The following MMRN2 variants were observed in gnomAD, a reference collection of about 807,000 sequenced individuals.
MMRN2 encodes multimerin 2.
MMRN2 carries 53 observed loss-of-function variants against 68.8 expected under a neutral mutation model. That is an observed-to-expected ratio of 0.77 (90% CI 0.62 to 0.97). The LOEUF is 0.97. Ranked by LOEUF, MMRN2 falls within the 50% of genes least tolerant of loss-of-function variation. The probability of loss-of-function intolerance (pLI) is 0.00; values close to 1 mark genes in which losing one functional copy is unlikely to be tolerated. For synonymous variants in MMRN2, 564 were observed against 551.6 expected (o/e 1.02, Z -0.32); for missense variants, 1,266 against 1,259.5 (o/e 1.01, Z -0.08).
chr10:86,942,899 G>T lies in MMRN2; in HGVS notation c.1885C>A (p.Pro629Thr). Reference protein sequence around the residue: ...LEEMSEQTPGPLPLSYEQIRV... With the variant: ...LEEMSEQTPGTLPLSYEQIRV... ...ATCTGCTCGTAGCTCAGGGGCAGCGGTCCCGGCGTCTGCTCAGACATCTCC... is the reference window on the plus strand; with the variant it reads ...ATCTGCTCGTAGCTCAGGGGCAGCGTTCCCGGCGTCTGCTCAGACATCTCC... The change falls in exon 6 of 7, where the codon CCG (proline) becomes ACG (threonine). Residue 629 changes from proline (P) to threonine (T), a missense_variant. Pro to Thr is a conservative substitution (Grantham distance 38, BLOSUM62 -1). Coordinates refer to ENST00000372027, the MANE Select transcript of MMRN2 (RefSeq NM_024756.3). 1.4e-6 allele frequency: 2 copies of T among 1,467,388 alleles called. No individual in the cohort carries two copies. Among genetic ancestry groups the T allele is most frequent in the South Asian group, 1.3e-5 (1 of 75,064 alleles). The allele number at this position is 1,467,388 out of a possible 1,614,324, so 90.9% of individuals were successfully genotyped here.
intron 1 of MMRN2, among the ~76,000 whole-genome samples, chr10:86,952,644 C>CA (rs1844160976): frequency 6.6e-6 from 1 of 152,110 alleles, no homozygotes; most frequent in East Asian, 1.9e-4. Context: ...CTTTAAGGGG[C>CA]AAAAAGCAGA....
intron 4 of MMRN2, chr10:86,944,657 G>A: frequency 1.8e-6 from 1 of 554,910 alleles, no homozygotes; most frequent in Non-Finnish European, 3.2e-6. Flanking sequence ...ATCAATCATG[G>A]TACACTCCCC....
chr10:86,941,220 G>A (rs917729854), intron 6 of MMRN2, among the ~76,000 whole-genome samples: 1 of 152,160 alleles, frequency 6.6e-6, no homozygotes. Context: ...CAGGGCCCAC[G>A]GCTTTCCCTG....
intron 1 of MMRN2, 43 bp from the exon 2 acceptor site, chr10:86,945,732 G>C: frequency 6.2e-7 from 1 of 1,612,724 alleles, no homozygotes; most frequent in South Asian, 1.1e-5. Flanking sequence ...GCCACACCCA[G>C]GTCAACAGGG....
At chr10:86,952,640 G>A (rs1009587824) in intron 1 of MMRN2, among the ~76,000 whole-genome samples, 2 of 152,134 alleles carry the variant, frequency 1.3e-5, no homozygotes, top group African/African-American at 4.8e-5. Context: ...CATGCTTTAA[G>A]GGGCAAAAAG....
chr10:86,955,430 A>C (rs1443830732), intron 1 of MMRN2, among the ~76,000 whole-genome samples: 3 of 152,148 alleles, frequency 2.0e-5, no homozygotes, highest in Non-Finnish European at 4.4e-5. Context: ...CTGAGGACGT[A>C]GTGGTTCTAT....
In MMRN2 at chr10:86,945,779, C is replaced by A. The variant is rs74153428; in HGVS notation, c.165-90G>T. 4,277 of 1,592,624 alleles carry A rather than the reference C, an allele frequency of 2.7e-3. 84 individuals carry two copies. In the African/African-American group the frequency reaches 0.049, roughly 18 times the overall value. ...AGAGCCACCGGTCCTCGCCTCCTGC[C>A]GGAGCAGTGCTGGGATTCTGGAATC... On this transcript the variant is annotated intron_variant, in intron 1 of 6. Transcript: ENST00000372027.
intron 6 of MMRN2, among the ~76,000 whole-genome samples, chr10:86,939,831 G>GTT (rs1164166776): frequency 3.7e-5 from 5 of 135,360 alleles, no homozygotes; most frequent in South Asian, 2.5e-4. Flanking sequence ...GTGTGTGTGT[G>GTT]TGTGTGTTTG....
intron 1 of MMRN2, chr10:86,949,759 C>T (rs935272089): frequency 2.6e-5 from 4 of 151,590 alleles, no homozygotes; most frequent in Non-Finnish European, 5.9e-5. Flanking sequence ...GCCTGTAATC[C>T]CAGCTACTCG....
chr10:86,943,903 T>G lies in MMRN2; in HGVS notation c.881A>C (p.Glu294Ala), dbSNP rs749765361. Residue 294 changes from glutamate to alanine, a missense_variant, in exon 6 of 7, where the codon GAG becomes GCG. Glu to Ala is a moderately radical substitution (Grantham distance 107). Coordinates refer to ENST00000372027, the MANE Select transcript of MMRN2 (RefSeq NM_024756.3). This position sits in a 1 kb window ranked among gnomAD's most constrained non-coding sequence, Gnocchi z 4.2. ...CTGAGTGTTCTCCTGGACCTTGGCC[T>G]CAAATTTGGCACCAAGCTCCTGGAA... The part of the protein sequence containing the change: ...ADFQELGAKF[E>A]AKVQENTQRV... The G allele has an allele frequency of 1.2e-6, 2 of 1,614,056 alleles. No homozygotes were observed. The highest frequency in any genetic ancestry group is 1.7e-6 in the Non-Finnish European group (2 of 1,180,024).
chr10:86,948,515 T>C (rs182448837), intron 1 of MMRN2, among the ~76,000 whole-genome samples: 172 of 151,882 alleles, frequency 1.1e-3, no homozygotes, highest in Admixed American at 1.6e-3. Flanking sequence ...CGTTAGAGGG[T>C]AAAGTTAAAG....
chr10:86,944,537 A>C, intron 4 of MMRN2, 102 bp from the exon 5 acceptor site: 4 of 1,299,920 alleles, frequency 3.1e-6, no homozygotes, highest in Non-Finnish European at 4.3e-6. Context: ...CAGGGAAGTT[A>C]GCTGCTGATG....
chr10:86,936,183 T>C lies in MMRN2; in HGVS notation c.*560A>G, dbSNP rs1208388946. On this transcript the variant is annotated 3_prime_UTR_variant, in exon 7 of 7. Transcript: ENST00000372027. ...GAATGACTGAAACTAAAGATACTAA[T>C]TTCCTTTCCCTTGGTTGGCCAGGCT... The C allele has an allele frequency of 7.9e-6, 3 of 381,148 alleles. No individual in the cohort carries two copies. The highest frequency in any genetic ancestry group is 1.4e-5 in the Non-Finnish European group (3 of 215,812). The allele number at this position is 381,148 out of a possible 1,614,324, so 23.6% of individuals were successfully genotyped here. A position where few individuals can be genotyped will look rare whatever the true frequency, so the allele number is the denominator to read the frequency against.
chr10:86,957,381 C>T lies in MMRN2; in HGVS notation c.161G>A (p.Gly54Glu). The T allele has an allele frequency of 6.2e-7, 1 of 1,613,074 alleles. No individual in the cohort carries two copies. Among genetic ancestry groups the T allele is most frequent in the East Asian group, 2.2e-5 (1 of 44,882 alleles). ...EAEDTGKDPVGRNWCPYPMSK... is the reference protein window; with the variant it reads ...EAEDTGKDPVERNWCPYPMSK... ...GCCAAGGTCCAGGCCCTCTTACCGT[C>T]CTACGGGGTCCTTGCCGGTGTCCTC... The change falls in exon 1 of 7, where the codon GGA (glycine) becomes GAA (glutamate). Residue 54 changes from glycine to glutamate, a missense_variant. Gly to Glu is a moderately conservative substitution (Grantham distance 98). Coordinates refer to ENST00000372027, the MANE Select transcript of MMRN2 (RefSeq NM_024756.3).
intron 1 of MMRN2, among the ~76,000 whole-genome samples, chr10:86,956,021 G>A (rs934880149): frequency 2.0e-5 from 3 of 152,058 alleles, no homozygotes; most frequent in Admixed American, 1.3e-4. Flanking sequence ...CCTCCCTCCC[G>A]TCCACCGGGT....
At chr10:86,937,323 G>C (rs142556262) in intron 6 of MMRN2, among the ~76,000 whole-genome samples, 198 bp from the exon 7 acceptor site, 1 of 152,190 alleles carries the variant, frequency 6.6e-6, no homozygotes, top group African/African-American at 2.4e-5. Context: ...TAATAGAGAG[G>C]AAGGAAAATG....
chr10:86,942,262 G>C, intron 6 of MMRN2, 55 bp downstream of exon 6: 1 of 1,526,928 alleles, frequency 6.5e-7, no homozygotes, highest in Non-Finnish European at 8.8e-7. Context: ...AAGAGCTGCC[G>C]GCAGCCGGCC....
intron 1 of MMRN2, among the ~76,000 whole-genome samples, chr10:86,952,143 G>A (rs962150304): frequency 5.9e-5 from 9 of 152,304 alleles, no homozygotes; most frequent in South Asian, 2.1e-4. Flanking sequence ...ATGATGGGGC[G>A]TTGGCTCAGG....
chr10:86,947,290 G>C (rs572233717), intron 1 of MMRN2, among the ~76,000 whole-genome samples: 6 of 152,276 alleles, frequency 3.9e-5, no homozygotes, highest in African/African-American at 1.4e-4. Flanking sequence ...TTATTCTCTG[G>C]AGCCGGTCTT....
Sources: gnomAD v4.1 joint callset for allele counts (sites outside exome capture counted in the v4.1 genomes callset) on GRCh38, gnomAD v4.1.1 for gene constraint, Gnocchi (gnomAD v3.1) non-coding constraint, MANE v1.5 for transcripts, NCBI Gene and HGNC (gene_info 2026-07-23, HGNC 2026-07-21) for gene names.